Variants in SHOC1 observed in about 807,000 individuals in gnomAD.
SHOC1 encodes protein shortage in chiasmata 1 ortholog.
SHOC1 carries 136 observed loss-of-function variants against 179.2 expected under a neutral mutation model. The observed-to-expected ratio is 0.76, with a 90% CI of 0.66 to 0.87. The LOEUF (loss-of-function observed/expected upper bound fraction) is 0.87, where lower values mean the gene tolerates loss of function less well. Among genes scored for constraint, SHOC1 ranks in the 40% least tolerant of loss-of-function variants. The probability of loss-of-function intolerance (pLI) is 0.00; values close to 1 mark genes in which losing one functional copy is unlikely to be tolerated. For missense variants in SHOC1, 1,538 were observed against 1,700.8 expected (o/e 0.90, Z 1.68); for synonymous variants, 489 against 586.6 (o/e 0.83, Z 2.41).
At chr9:111,717,837 G>A (rs1016381980) in intron 16 of SHOC1, among the ~76,000 whole-genome samples, 2 of 151,980 alleles carry the variant, frequency 1.3e-5, no homozygotes, top group Non-Finnish European at 2.9e-5. Context: ...AAGACTCAAA[G>A]CCACAAAAAT....
chr9:111,748,327 GAGA>G lies in SHOC1; in HGVS notation c.863-131_863-129del, dbSNP rs1834383769. On this transcript the variant is annotated intron_variant, in intron 8 of 27. Coordinates refer to ENST00000682961, the MANE Select transcript of SHOC1 (RefSeq NM_001378211.1). ...TTGCATGTCAATTTTTCCTTTTAGAGAGAAGTAGAGATTTATACTTCTGAAGAA... is the reference window on the plus strand; with the variant it reads ...TTGCATGTCAATTTTTCCTTTTAGAGAGTAGAGATTTATACTTCTGAAGAA... 7.9e-6 allele frequency: 5 copies of G among 633,596 alleles called. No individual in the cohort carries two copies. The South Asian group carries it at 8.4e-5, about 11-fold the overall frequency. The allele number at this position is 633,596 out of a possible 1,614,324, so 39.2% of individuals were successfully genotyped here.
rs150205940 is a variant in SHOC1, at chr9:111,738,348, T to C, written c.1349A>G (p.His450Arg). 1.2e-6 allele frequency: 2 copies of C among 1,612,160 alleles called. No homozygotes were observed. The highest frequency in any genetic ancestry group is 1.7e-6 in the Non-Finnish European group (2 of 1,179,410). Reference protein sequence around the residue: ...TLEHLNTYLCHDNLSSNDTKI... With the variant: ...TLEHLNTYLCRDNLSSNDTKI... ...AGTGTCATTAGAAGACAAATTATCATGACATAAATATGTATTCAGATGTTC... is the reference window on the plus strand; with the variant it reads ...AGTGTCATTAGAAGACAAATTATCACGACATAAATATGTATTCAGATGTTC... Residue 450 changes from histidine to arginine, a missense_variant, in exon 12 of 28, where the codon CAT becomes CGT. Physicochemically the swap from His to Arg is conservative, Grantham distance 29. Coordinates refer to ENST00000682961, the MANE Select transcript of SHOC1 (RefSeq NM_001378211.1).
intron 5 of SHOC1, among the ~76,000 whole-genome samples, chr9:111,762,514 T>TA (rs1835180651): frequency 6.6e-6 from 1 of 152,114 alleles, no homozygotes; most frequent in Non-Finnish European, 1.5e-5. Flanking sequence ...TGTTAATATT[T>TA]AAAAATAATA....
chr9:111,687,521 CTCT>C (rs1831231534), intron 27 of SHOC1, among the ~76,000 whole-genome samples: 1 of 152,106 alleles, frequency 6.6e-6, no homozygotes, highest in African/African-American at 2.4e-5. Context: ...TCTCTAAATT[CTCT>C]TCTAACATTT....
At chr9:111,723,391 T>C (rs531603476) in intron 14 of SHOC1, among the ~76,000 whole-genome samples, 11 of 152,332 alleles carry the variant, frequency 7.2e-5, no homozygotes, top group Admixed American at 7.2e-4. Flanking sequence ...CTCTTCTTTA[T>C]AGCATAACAA....
intron 24 of SHOC1, among the ~76,000 whole-genome samples, chr9:111,699,131 A>T (rs1831842471): frequency 6.6e-6 from 1 of 152,130 alleles, no homozygotes. Flanking sequence ...TAGAAAAGGG[A>T]TATTAGTTAG....
In SHOC1 at chr9:111,686,359, A is replaced by C. The variant is rs1290714683; in HGVS notation, c.*411T>G. The C allele has an allele frequency of 6.6e-6, 1 of 152,360 alleles. No homozygotes were observed. Among genetic ancestry groups the C allele is most frequent in the African/African-American group, 2.4e-5 (1 of 41,434 alleles). 9.4% of individuals were successfully genotyped at this position (152,360 alleles called of 1,614,324 possible). On this transcript the variant is annotated 3_prime_UTR_variant, in exon 28 of 28. Transcript: ENST00000682961. ...TATTTCCTCTTAGTAATTTGTTCTT[A>C]AATTGTGTTTACAGAAAATGATACT...
At chr9:111,721,009 T>G (rs1287385698) in intron 15 of SHOC1, among the ~76,000 whole-genome samples, 3 of 152,200 alleles carry the variant, frequency 2.0e-5, no homozygotes, top group Non-Finnish European at 4.4e-5. Flanking sequence ...TGTTGGGTAT[T>G]CTTGTATTCA....
At chr9:111,739,135 G>A (rs1833927399) in intron 11 of SHOC1, among the ~76,000 whole-genome samples, 1 of 151,900 alleles carries the variant, frequency 6.6e-6, no homozygotes, top group Admixed American at 6.6e-5. Context: ...TATAATGACA[G>A]TAATATTAAG....
chr9:111,769,975 G>GTTTTTTTTTTTTTTTTTTTTT lies in SHOC1; in HGVS notation c.442+5815_442+5816insAAAAAAAAAAAAAAAAAAAAA. Among the ~76,000 whole-genome samples, 9 of 87,794 alleles carry GTTTTTTTTTTTTTTTTTTTTT rather than the reference G, an allele frequency of 1.0e-4. 1 individual carries two copies. Among genetic ancestry groups the GTTTTTTTTTTTTTTTTTTTTT allele is most frequent in the Non-Finnish European group, 1.5e-4 (7 of 45,746 alleles). The allele number at this position is 87,794 out of a possible 152,430, so 57.6% of individuals were successfully genotyped here. A position where few individuals can be genotyped will look rare whatever the true frequency, so the allele number is the denominator to read the frequency against. ...AATCTAGCGAAAGGTTTTATCTTCT[G>GTTTTTTTTTTTTTTTTTTTTT]TTTTTTTTTTGTTTTTTTTTTTTTT... On this transcript the variant is annotated intron_variant, in intron 5 of 27. Transcript: ENST00000682961.
intron 27 of SHOC1, among the ~76,000 whole-genome samples, chr9:111,687,755 CT>C (rs11338309): frequency 0.52 from 71,114 of 136,800 alleles, 17,339 homozygotes; most frequent in East Asian, 0.78. Flanking sequence ...TCTTCTTCTT[CT>C]TTTTTTTTTT....
At chr9:111,736,679 C>T (rs965385113) in intron 12 of SHOC1, among the ~76,000 whole-genome samples, 10 of 152,068 alleles carry the variant, frequency 6.6e-5, no homozygotes, top group African/African-American at 2.4e-4. Flanking sequence ...ATTAAGTCCT[C>T]AAAAACAATC....
rs974336883 is a variant in SHOC1, at chr9:111,791,287, A to C, written c.45+87T>G. ...ACTTTTGATCCTAAGCATTTCAGAT[A>C]AGGGATACTCAACCTATATTGAATG... On this transcript the variant is annotated intron_variant, in intron 2 of 27. Coordinates refer to ENST00000682961, the MANE Select transcript of SHOC1 (RefSeq NM_001378211.1). The C allele has an allele frequency of 4.7e-6, 3 of 638,544 alleles. No homozygotes were observed. The East Asian group carries it at 1.0e-4, about 22-fold the overall frequency. 39.6% of individuals were successfully genotyped at this position (638,544 alleles called of 1,614,324 possible).
chr9:111,714,119 A>T (rs868477802), intron 17 of SHOC1, among the ~76,000 whole-genome samples: 125 of 152,226 alleles, frequency 8.2e-4, no homozygotes, highest in African/African-American at 2.7e-3. Flanking sequence ...GGCTCAAGAG[A>T]TCCTCCCACC....
At chr9:111,741,109 A>C (rs1834018605) in intron 11 of SHOC1, among the ~76,000 whole-genome samples, 1 of 152,226 alleles carries the variant, frequency 6.6e-6, no homozygotes, top group Non-Finnish European at 1.5e-5. Context: ...AAGCTTGGGC[A>C]ACTAAAACTT....
chr9:111,714,708 T>G, intron 16 of SHOC1, 85 bp from the exon 17 acceptor site: 1 of 1,185,844 alleles, frequency 8.4e-7, no homozygotes, highest in Non-Finnish European at 1.2e-6. Flanking sequence ...AGAAAATAAG[T>G]CAAAGCAGAG....
intron 27 of SHOC1, among the ~76,000 whole-genome samples, chr9:111,688,267 A>G (rs1180697561): frequency 2.0e-5 from 3 of 152,206 alleles, no homozygotes; most frequent in African/African-American, 7.2e-5. Context: ...AAAATTTCTA[A>G]AAATGCTTAA....
intron 17 of SHOC1, among the ~76,000 whole-genome samples, 187 bp downstream of exon 17, chr9:111,714,258 G>A (rs1188560950): frequency 6.6e-6 from 1 of 152,148 alleles, no homozygotes; most frequent in African/African-American, 2.4e-5. Context: ...TTTGAGACAT[G>A]AATAATGATG....
At position 111,692,292 on chromosome 9, in the gene SHOC1, C is replaced by T. The variant is rs778512389; in HGVS notation, c.3685G>A (p.Asp1229Asn). Reference protein sequence around the residue: ...VQEDKTTILNDNSSIMELKEI... With the variant: ...VQEDKTTILNNNSSIMELKEI... Reference sequence around the variant, plus strand: ...TTTAGTTCCATAATGGAAGAGTTGTCATTCAAAATGGTGGTTTTGTCTTCC... The same window carrying T: ...TTTAGTTCCATAATGGAAGAGTTGTTATTCAAAATGGTGGTTTTGTCTTCC... Residue 1229 changes from aspartate to asparagine, a missense_variant, in exon 27 of 28, where the codon GAC (aspartate) becomes AAC (asparagine). Coordinates refer to ENST00000682961, the MANE Select transcript of SHOC1 (RefSeq NM_001378211.1). The T allele has an allele frequency of 6.2e-7, 1 of 1,613,408 alleles. No individual in the cohort carries two copies. Among genetic ancestry groups the T allele is most frequent in the Admixed American group, 1.7e-5 (1 of 59,998 alleles).
Sources: gnomAD v4.1 joint callset for allele counts (sites outside exome capture counted in the v4.1 genomes callset) on GRCh38, gnomAD v4.1.1 for gene constraint, MANE v1.5 for transcripts, NCBI Gene and HGNC (gene_info 2026-07-23, HGNC 2026-07-21) for gene names.